The following URI1 variants were observed in gnomAD, a reference collection of about 807,000 sequenced individuals.
The protein encoded by URI1 is unconventional prefoldin RPB5 interactor 1.
In URI1, 39 loss-of-function variants were observed where a neutral mutation model predicts 60.2. The observed-to-expected ratio is 0.65, with a 90% CI of 0.50 to 0.85. URI1 has a LOEUF of 0.85. Ranked by LOEUF, URI1 falls within the 40% of genes least tolerant of loss-of-function variation. The probability of loss-of-function intolerance (pLI) is 0.00; values close to 1 mark genes in which losing one functional copy is unlikely to be tolerated. For missense variants in URI1, 691 were observed against 665.9 expected, an observed-to-expected ratio of 1.04 and a Z score of -0.42; for synonymous variants, 251 against 236.8, an observed-to-expected ratio of 1.06 and a Z score of -0.55.
chr19:29,991,297 A>G (rs1196020221), intron 4 of URI1, among the ~76,000 whole-genome samples: 4 of 152,170 alleles, frequency 2.6e-5, no homozygotes, highest in African/African-American at 9.7e-5. Flanking sequence ...TCAGTTTTGT[A>G]GTTTTTGAGC....
intron 1 of URI1, among the ~76,000 whole-genome samples, chr19:29,957,218 A>G (rs988494382): frequency 3.3e-5 from 5 of 152,018 alleles, no homozygotes; most frequent in African/African-American, 7.2e-5. Context: ...CATAAAGTCT[A>G]TTATATTTTA....
chr19:29,950,542 C>T (rs970424461), intron 1 of URI1, among the ~76,000 whole-genome samples: 4 of 152,126 alleles, frequency 2.6e-5, no homozygotes, highest in African/African-American at 9.7e-5. Flanking sequence ...GTCCTATTTG[C>T]TTTTCTCTTT....
Position 30,009,042 on chromosome 19 carries a change from A to C in URI1, c.724A>C (p.Thr242Pro). ...DTVIANGEDT[T>P]SSEEEKEDRN... ...TGTGATTGCAAATGGAGAAGATACG[A>C]CATCTTCTGAAGAGGAAAAGGAAGA... Residue 242 changes from threonine to proline, a missense_variant, in exon 8 of 11, where the codon ACA becomes CCA. Coordinates refer to ENST00000392271, the MANE Select transcript of URI1 (RefSeq NM_003796.3). 6.2e-7 allele frequency: 1 copy of C among 1,613,322 alleles called. No homozygotes were observed. The highest frequency in any genetic ancestry group is 1.1e-5 in the South Asian group (1 of 90,986).
rs34942474 is a variant in URI1 at position 29,933,940 on chromosome 19, C to CTTTTTTTTTTTTTTTTTT, written c.63+10199_63+10200insTTTTTTTTTTTTTTTTTT. Reference sequence around the variant, plus strand: ...TCCTTCTTTCTTTTTCTTTTCTTCCCTTTTTTTTTTTTTGAGATGAAGTCT... The same window carrying CTTTTTTTTTTTTTTTTTT: ...TCCTTCTTTCTTTTTCTTTTCTTCCCTTTTTTTTTTTTTTTTTTTTTTTTTTTTTTTGAGATGAAGTCT... On this transcript the variant is annotated intron_variant, in intron 1 of 10. Transcript: ENST00000360605. Among the ~76,000 whole-genome samples the CTTTTTTTTTTTTTTTTTT allele has an allele frequency of 2.2e-4, 27 of 124,696 alleles. 1 individual carries two copies. Among genetic ancestry groups the CTTTTTTTTTTTTTTTTTT allele is most frequent in the African/African-American group, 7.0e-4 (21 of 29,944 alleles). The allele number at this position is 124,696 out of a possible 152,430, so 81.8% of individuals were successfully genotyped here.
rs1007242200 is a variant in URI1 at position 30,015,741 on chromosome 19, C to T, written c.*672C>T. On this transcript the variant is annotated 3_prime_UTR_variant, in exon 11 of 11. Coordinates refer to ENST00000392271, the MANE Select transcript of URI1 (RefSeq NM_003796.3). ...GAACTTTATGATTCAAAATTGAGTA[C>T]AGATATGTCCTTGATTCATATGTAT... The T allele has an allele frequency of 1.3e-5, 9 of 670,006 alleles. No individual in the cohort carries two copies. The highest frequency in any genetic ancestry group is 2.2e-5 in the Non-Finnish European group (9 of 402,938). 41.5% of individuals were successfully genotyped at this position (670,006 alleles called of 1,614,324 possible).
intron 2 of URI1, among the ~76,000 whole-genome samples, chr19:29,981,508 A>G (rs1211828866): frequency 1.3e-5 from 2 of 151,832 alleles, no homozygotes; most frequent in Non-Finnish European, 2.9e-5. Flanking sequence ...TCCTTAAAAC[A>G]AAAGGTACTC....
chr19:29,988,663 T>G lies in URI1; in HGVS notation c.367+2246T>G, dbSNP rs147998695. 1.5e-3 allele frequency among the ~76,000 whole-genome samples: 230 copies of G among 152,394 alleles called. 1 individual carries two copies. The highest frequency in any genetic ancestry group is 2.4e-3 in the Non-Finnish European group (165 of 68,040). Reference sequence around the variant, plus strand: ...TACATGCATATCTATTAAATGCACGTACAGCAGTTTTTCCATTCACCTTTT... The same window carrying G: ...TACATGCATATCTATTAAATGCACGGACAGCAGTTTTTCCATTCACCTTTT... On this transcript the variant is annotated intron_variant, in intron 4 of 10. Coordinates refer to ENST00000392271, the MANE Select transcript of URI1 (RefSeq NM_003796.3).
chr19:29,970,021 A>G (rs908282887), intron 1 of URI1, among the ~76,000 whole-genome samples: 12 of 152,008 alleles, frequency 7.9e-5, no homozygotes, highest in African/African-American at 2.9e-4. Flanking sequence ...ATTTTGGTAC[A>G]GAATTTCTGT....
chr19:29,940,034 G>A (rs2145214025), upstream of URI1, among the ~76,000 whole-genome samples: 1 of 152,318 alleles, frequency 6.6e-6, no homozygotes, highest in South Asian at 2.1e-4. Flanking sequence ...GTTTAGAGGT[G>A]TGCGAATTGG....
Position 30,015,232 on chromosome 19 carries a change from G to C in URI1, c.*163G>C. On this transcript the variant is annotated 3_prime_UTR_variant, in exon 11 of 11. Coordinates refer to ENST00000392271, the MANE Select transcript of URI1 (RefSeq NM_003796.3). The stretch of plus-strand genomic sequence containing the variant: ...CCCGTGGTATTTGAAAAAAATCAAG[G>C]TAACTGTCTGAATACTTTAATATCA... The C allele has an allele frequency of 7.1e-7, 1 of 1,416,736 alleles. No homozygotes were observed. The highest frequency in any genetic ancestry group is 9.2e-7 in the Non-Finnish European group (1 of 1,089,322). 87.8% of individuals were successfully genotyped at this position (1,416,736 alleles called of 1,614,324 possible).
At chr19:29,963,878 A>G (rs1219200075) in intron 1 of URI1, among the ~76,000 whole-genome samples, 5 of 152,160 alleles carry the variant, frequency 3.3e-5, no homozygotes, top group Admixed American at 2.0e-4. Context: ...TCACTACACC[A>G]TATTTCCTTG....
intron 1 of URI1, among the ~76,000 whole-genome samples, chr19:29,927,108 G>A (rs930248201): frequency 1.3e-5 from 2 of 152,222 alleles, no homozygotes; most frequent in African/African-American, 2.4e-5. Context: ...GGACTTCCCA[G>A]GTGAGCAGTG....
At chr19:29,966,857 A>G (rs1469612833) in intron 1 of URI1, among the ~76,000 whole-genome samples, 2 of 152,226 alleles carry the variant, frequency 1.3e-5, no homozygotes, top group Admixed American at 6.5e-5. Context: ...AAACTGTTAT[A>G]TTATGCATTA....
At chr19:29,927,895 G>A (rs994980321) in intron 1 of URI1, among the ~76,000 whole-genome samples, 1 of 151,782 alleles carries the variant, frequency 6.6e-6, no homozygotes, top group Non-Finnish European at 1.5e-5. Context: ...CCTCTTGAAT[G>A]TGAGCTGGCC....
chr19:30,008,809 AATAT>A (rs1349470756), intron 7 of URI1, among the ~76,000 whole-genome samples, 192 bp from the exon 8 acceptor site: 1 of 152,172 alleles, frequency 6.6e-6, no homozygotes, highest in Admixed American at 6.5e-5. Context: ...GAATAACCTC[AATAT>A]ATAGAAGCAG....
chr19:30,010,946 T>G (rs1406385831), intron 8 of URI1, 148 bp from the exon 9 acceptor site: 2 of 789,366 alleles, frequency 2.5e-6, no homozygotes, highest in Non-Finnish European at 3.8e-6. Context: ...TTTAAAAAAT[T>G]CCATCTGATA....
chr19:29,942,501 G>A lies in URI1; in HGVS notation c.-47G>A. On this transcript the variant is annotated 5_prime_UTR_variant, in exon 1 of 11. Transcript: ENST00000392271. ...ACTGCCGGCCGCGCCGCCTGCGCAG[G>A]CGCTGGTTCAGGACTCACACGCCGC... is the stretch of plus-strand genomic sequence containing the variant. The A allele has an allele frequency of 8.4e-7, 1 of 1,185,552 alleles. No homozygotes were observed. Among genetic ancestry groups the A allele is most frequent in the Non-Finnish European group, 1.0e-6 (1 of 956,874 alleles). The allele number at this position is 1,185,552 out of a possible 1,614,324, so 73.4% of individuals were successfully genotyped here.
chr19:29,960,171 G>C (rs1599675804), intron 1 of URI1, among the ~76,000 whole-genome samples: 2 of 151,990 alleles, frequency 1.3e-5, no homozygotes, highest in African/African-American at 4.8e-5. Context: ...CTGCATAATT[G>C]AAATTTAAGT....
chr19:29,959,099 C>T lies in URI1; in HGVS notation c.118-12094C>T, dbSNP rs78927175. ...TTTGTATATCCTATAAAAGTTTATA[C>T]ACTGTTGTTATTGGTTTTTGTGTGT... On this transcript the variant is annotated intron_variant, in intron 1 of 10. Coordinates refer to ENST00000392271, the MANE Select transcript of URI1 (RefSeq NM_003796.3). 9.8e-3 allele frequency among the ~76,000 whole-genome samples: 1,484 copies of T among 152,174 alleles called. 32 individuals carry two copies. The highest frequency in any genetic ancestry group is 0.034 in the African/African-American group (1,419 of 41,504).
Sources: gnomAD v4.1 joint callset for allele counts (sites outside exome capture counted in the v4.1 genomes callset) on GRCh38, gnomAD v4.1.1 for gene constraint, MANE v1.5 for transcripts, NCBI Gene and HGNC (gene_info 2026-07-23, HGNC 2026-07-21) for gene names.